Variants in KCNIP4 observed in about 807,000 individuals in gnomAD.
The protein encoded by KCNIP4 is potassium voltage-gated channel interacting protein 4.
In KCNIP4, 12 loss-of-function variants were observed where a neutral mutation model predicts 34.0. The observed-to-expected ratio is 0.35, with a 90% CI of 0.23 to 0.57. The LOEUF is 0.57. Ranked by LOEUF, KCNIP4 falls within the 20% of genes least tolerant of loss-of-function variation. KCNIP4 has a pLI of 0.83. For synonymous variants in KCNIP4, 124 were observed against 102.2 expected (o/e 1.21, Z -1.29); for missense variants, 238 against 311.7 (o/e 0.76, Z 1.78).
chr4:21,266,663 C>T (rs774054904), intron 1 of KCNIP4, among the ~76,000 whole-genome samples: 17 of 152,150 alleles, frequency 1.1e-4, no homozygotes, highest in Non-Finnish European at 1.9e-4. Context: ...GCTGCATCTG[C>T]GAATGTCCCA....
At chr4:21,204,577 A>C (rs1424856494) in intron 1 of KCNIP4, among the ~76,000 whole-genome samples, 1 of 152,168 alleles carries the variant, frequency 6.6e-6, no homozygotes, top group African/African-American at 2.4e-5. Context: ...CTTTCCTTAG[A>C]GGTCTAATAA....
intron 3 of KCNIP4, among the ~76,000 whole-genome samples, chr4:20,786,358 T>G (rs1184783917): frequency 1.3e-5 from 2 of 152,144 alleles, no homozygotes; most frequent in Non-Finnish European, 2.9e-5. Context: ...GCTCAGTGTC[T>G]AGGTGTTGGG....
intron 1 of KCNIP4, among the ~76,000 whole-genome samples, chr4:21,422,659 T>TG (rs1725580297): frequency 4.1e-5 from 6 of 147,626 alleles, no homozygotes; most frequent in East Asian, 2.0e-4. Context: ...ATGTGTGTGT[T>TG]TGTGTGTGTG....
chr4:21,142,265 A>T (rs1004948792), intron 1 of KCNIP4, among the ~76,000 whole-genome samples: 1 of 151,958 alleles, frequency 6.6e-6, no homozygotes, highest in Non-Finnish European at 1.5e-5. Context: ...GGACAAAAGG[A>T]GCTTCTGTAT....
chr4:21,175,879 A>G (rs1754366482), intron 1 of KCNIP4, among the ~76,000 whole-genome samples: 1 of 152,218 alleles, frequency 6.6e-6, no homozygotes, highest in Non-Finnish European at 1.5e-5. Flanking sequence ...ACCCCAAATA[A>G]GGGAGGACTA....
At chr4:21,708,381 G>A (rs917784671) in intron 1 of KCNIP4, among the ~76,000 whole-genome samples, 12 of 152,178 alleles carry the variant, frequency 7.9e-5, no homozygotes, top group African/African-American at 2.2e-4. Context: ...CTTAGGCCCC[G>A]CCTCCAATAT....
intron 1 of KCNIP4, among the ~76,000 whole-genome samples, chr4:21,135,399 A>G (rs751794898): frequency 4.6e-5 from 7 of 152,188 alleles, no homozygotes; most frequent in Non-Finnish European, 7.4e-5. Context: ...AGATGTGCAA[A>G]GCATCCCCAT....
intron 1 of KCNIP4, among the ~76,000 whole-genome samples, chr4:21,810,940 G>A (rs1721613573): frequency 1.3e-5 from 2 of 152,124 alleles, no homozygotes. Flanking sequence ...GGAAATACAG[G>A]TTTTGTTATC....
At chr4:21,856,908 C>T (rs188178774) in intron 1 of KCNIP4, among the ~76,000 whole-genome samples, 148 of 152,286 alleles carry the variant, frequency 9.7e-4, no homozygotes, top group Middle Eastern at 3.4e-3. Flanking sequence ...CCCCTGCTGC[C>T]TTGGACTCCT....
intron 1 of KCNIP4, among the ~76,000 whole-genome samples, chr4:21,919,222 G>A (rs1045773244): frequency 5.3e-5 from 8 of 152,056 alleles, no homozygotes; most frequent in African/African-American, 1.9e-4. Flanking sequence ...TTTCCAAATG[G>A]GAATCTAATT....
chr4:21,377,583 A>G (rs1721072302), intron 1 of KCNIP4, among the ~76,000 whole-genome samples: 1 of 152,230 alleles, frequency 6.6e-6, no homozygotes, highest in Non-Finnish European at 1.5e-5. Flanking sequence ...GAAATAACTC[A>G]AAACTCAAAT....
intron 1 of KCNIP4, among the ~76,000 whole-genome samples, chr4:21,187,288 C>T (rs1755304662): frequency 6.6e-6 from 1 of 152,006 alleles, no homozygotes; most frequent in South Asian, 2.1e-4. Context: ...ACTAAGCAAA[C>T]ATGGAATTCA....
intron 1 of KCNIP4, among the ~76,000 whole-genome samples, chr4:21,366,862 A>AT (rs1351562942): frequency 1.2e-4 from 18 of 152,110 alleles, no homozygotes; most frequent in Non-Finnish European, 2.9e-5. Flanking sequence ...TGCACTAAAA[A>AT]TGGGGTTGTC....
rs190721634 is a variant in KCNIP4 at position 21,490,624 on chromosome 4, T to A, written c.61+457947A>T. Among the ~76,000 whole-genome samples, 124 of 152,324 alleles carry A rather than the reference T, an allele frequency of 8.1e-4. 2 individuals carry two copies. The highest frequency in any genetic ancestry group is 2.8e-3 in the African/African-American group (117 of 41,580). On this transcript the variant is annotated intron_variant, in intron 1 of 8. Coordinates refer to ENST00000382152, the MANE Select transcript of KCNIP4 (RefSeq NM_025221.6). Reference sequence around the variant, plus strand: ...GAATCAAATCCATTTAACAAGTCATTCTGTAAAACCACAAAAAGCCCAGAA... The same window carrying A: ...GAATCAAATCCATTTAACAAGTCATACTGTAAAACCACAAAAAGCCCAGAA...
At chr4:21,410,223 A>G (rs1314565426) in intron 1 of KCNIP4, among the ~76,000 whole-genome samples, 1 of 152,206 alleles carries the variant, frequency 6.6e-6, no homozygotes, top group Non-Finnish European at 1.5e-5. Flanking sequence ...AAGTATATAA[A>G]GCATATTACT....
intron 1 of KCNIP4, among the ~76,000 whole-genome samples, chr4:21,188,724 G>A (rs144864595): frequency 2.5e-4 from 38 of 152,288 alleles, no homozygotes; most frequent in African/African-American, 8.7e-4. Context: ...CCCCTCACAA[G>A]AGTAGCATCC....
chr4:21,935,652 T>C (rs1578161112), intron 1 of KCNIP4, among the ~76,000 whole-genome samples: 1 of 151,928 alleles, frequency 6.6e-6, no homozygotes, highest in South Asian at 2.1e-4. Flanking sequence ...TGTCACTTCC[T>C]CAGAACTCCC....
intron 1 of KCNIP4, among the ~76,000 whole-genome samples, chr4:21,773,045 G>A (rs1718909409): frequency 6.6e-6 from 1 of 152,170 alleles, no homozygotes; most frequent in African/African-American, 2.4e-5. Context: ...GCTTTCTGAT[G>A]TGGGTGTTTA....
chr4:21,899,518 G>A (rs995623572), intron 1 of KCNIP4, among the ~76,000 whole-genome samples: 1 of 151,770 alleles, frequency 6.6e-6, no homozygotes, highest in African/African-American at 2.4e-5. Context: ...AAGATAATAT[G>A]ATCTTATAGT....
Sources: allele counts gnomAD v4.1 joint callset (sites outside exome capture counted in the v4.1 genomes callset), GRCh38; gene constraint gnomAD v4.1.1; transcripts MANE v1.5; gene names NCBI Gene and HGNC (gene_info 2026-07-23, HGNC 2026-07-21).